The following RNF128 variants were observed in gnomAD, a reference collection of about 807,000 sequenced individuals.
The protein encoded by RNF128 is E3 ubiquitin-protein ligase RNF128.
A neutral mutation model predicts 26.2 loss-of-function variants in RNF128; 13 were observed. That is an observed-to-expected ratio of 0.50 (90% CI 0.32 to 0.79). The LOEUF (loss-of-function observed/expected upper bound fraction) is 0.79. RNF128 is among the 30% of genes least tolerant of loss of function. RNF128 has a pLI of 0.03. For missense variants in RNF128, 315 were observed against 349.7 expected (o/e 0.90, Z 0.79); for synonymous variants, 149 against 142.5 (o/e 1.05, Z -0.32).
In RNF128 at chrX:106,726,917, G is replaced by A. The variant is rs770442738; in HGVS notation, c.4G>A (p.Gly2Arg). ...GGAACTGCGGAGCGCGCGCGCCATG[G>A]GGCCGCCGCCTGGGGCCGGGGTCTC... M[G>R]PPPGAGVSCR... The change falls in exon 1 of 7, where the codon GGG becomes AGG. Residue 2 changes from glycine to arginine, a missense_variant. By Grantham distance (125) the Gly-to-Arg change is moderately radical. Coordinates refer to ENST00000255499, the MANE Select transcript of RNF128 (RefSeq NM_194463.2). The A allele has an allele frequency of 1.7e-6, 2 of 1,170,476 alleles. No homozygotes were observed. The highest frequency in any genetic ancestry group is 3.2e-5 in the East Asian group (1 of 31,714).
At chrX:106,790,351 TC>T in intron 5 of RNF128, 69 bp downstream of exon 5, 1 of 755,196 alleles carries the variant, frequency 1.3e-6, no homozygotes, top group Non-Finnish European at 2.0e-6. Flanking sequence ...CAAAATAACA[TC>T]CTTATTTTTT....
intron 2 of RNF128, among the ~76,000 whole-genome samples, chrX:106,776,656 T>C (rs768817443): frequency 8.9e-6 from 1 of 112,147 alleles, no homozygotes; most frequent in Admixed American, 9.5e-5. Flanking sequence ...CCTTCCATTT[T>C]TAGCTGTAGA....
At chrX:106,774,829 C>T (rs375809990) in intron 2 of RNF128, among the ~76,000 whole-genome samples, 3 of 111,548 alleles carry the variant, frequency 2.7e-5, no homozygotes, top group African/African-American at 9.8e-5. Context: ...TCTCTAAAGG[C>T]GATCGATTTC....
intron 1 of RNF128, among the ~76,000 whole-genome samples, chrX:106,715,155 C>CA (rs200502824): frequency 8.2e-5 from 9 of 109,281 alleles, no homozygotes; most frequent in East Asian, 2.9e-4. Context: ...ACATTCCCAC[C>CA]AAAAAAAAAT....
At position 106,785,067 on chromosome X, in the gene RNF128, G is replaced by A. The variant is rs766538262; in HGVS notation, c.735G>A (p.Arg245=). The A allele has an allele frequency of 1.0e-5, 12 of 1,163,808 alleles. No individual in the cohort carries two copies. Among genetic ancestry groups the A allele is most frequent in the Non-Finnish European group, 1.4e-5 (12 of 875,543 alleles). The change falls in exon 3 of 7, where the codon AGG becomes AGA. Residue 245 remains arginine, a splice_region_variant and synonymous_variant. Transcript: ENST00000255499. The stretch of plus-strand genomic sequence containing the variant: ...ACCTGCTGTTTTTTTTTTTACAGAG[G>A]CAATTAAAGGCAGATGCTAAAAAAG... ...RNARAQSRKQ[R]QLKADAKKAI... is the part of the protein sequence containing the mutation.
chrX:106,774,326 A>G (rs373258803), intron 2 of RNF128, among the ~76,000 whole-genome samples: 3 of 111,834 alleles, frequency 2.7e-5, no homozygotes, highest in African/African-American at 9.8e-5. Context: ...TTCTGTTTTT[A>G]TGGATGAACT....
At chrX:106,734,703 G>T (rs1030068326) in intron 1 of RNF128, among the ~76,000 whole-genome samples, 1 of 111,896 alleles carries the variant, frequency 8.9e-6, no homozygotes, top group Admixed American at 9.5e-5. Flanking sequence ...TGTGACCAGC[G>T]CCCTGCTCAA....
chrX:106,708,889 T>G (rs1929083566), intron 1 of RNF128, among the ~76,000 whole-genome samples: 1 of 112,050 alleles, frequency 8.9e-6, no homozygotes, highest in South Asian at 3.7e-4. Context: ...AATATAGAAA[T>G]CTGCTTCAAA....
chrX:106,743,753 G>T (rs1000179292), intron 1 of RNF128, among the ~76,000 whole-genome samples: 9 of 111,538 alleles, frequency 8.1e-5, no homozygotes, highest in African/African-American at 2.6e-4. Flanking sequence ...CCATTACTGG[G>T]TATATACCCA....
chrX:106,768,500 C>T (rs974699761), intron 1 of RNF128, among the ~76,000 whole-genome samples: 2 of 111,746 alleles, frequency 1.8e-5, no homozygotes, highest in Non-Finnish European at 3.8e-5. Context: ...AGTTTATTTG[C>T]GTAGAGGGGT....
At chrX:106,770,009 A>G (rs1930341461) in intron 1 of RNF128, among the ~76,000 whole-genome samples, 2 of 111,064 alleles carry the variant, frequency 1.8e-5, no homozygotes, top group African/African-American at 6.6e-5. Context: ...TCACTTTTGA[A>G]GCTTAGTTTG....
chrX:106,734,236 T>G (rs1018850276), intron 1 of RNF128, among the ~76,000 whole-genome samples: 2 of 110,469 alleles, frequency 1.8e-5, no homozygotes, highest in African/African-American at 6.6e-5. Flanking sequence ...GGGTTGTGAA[T>G]TGGGGCATTT....
intron 3 of RNF128, among the ~76,000 whole-genome samples, chrX:106,787,595 C>A (rs773416742): frequency 9.0e-6 from 1 of 111,034 alleles, no homozygotes; most frequent in South Asian, 3.8e-4. Context: ...TGAATTATAC[C>A]TTAATTTTTT....
At chrX:106,706,077 C>A (rs1929037974) in intron 1 of RNF128, among the ~76,000 whole-genome samples, 1 of 111,729 alleles carries the variant, frequency 9.0e-6, no homozygotes, top group African/African-American at 3.3e-5. Context: ...TAACCTGATG[C>A]ATTACCACAT....
At chrX:106,784,603 G>A (rs773820554) in intron 2 of RNF128, among the ~76,000 whole-genome samples, 5 of 111,581 alleles carry the variant, frequency 4.5e-5, no homozygotes, top group Non-Finnish European at 7.5e-5. Context: ...TAAATGACTC[G>A]TGCAGGGTTA....
chrX:106,793,018 C>G (rs1930854234), intron 6 of RNF128, among the ~76,000 whole-genome samples: 1 of 111,523 alleles, frequency 9.0e-6, no homozygotes, highest in South Asian at 3.7e-4. Context: ...TAGTTCATGT[C>G]GTGTGTCACA....
At chrX:106,711,343 C>T (rs1011367850) in intron 1 of RNF128, among the ~76,000 whole-genome samples, 1 of 112,137 alleles carries the variant, frequency 8.9e-6, no homozygotes, top group Non-Finnish European at 1.9e-5. Context: ...AATCACCAGA[C>T]AGTAAGATCA....
intron 1 of RNF128, among the ~76,000 whole-genome samples, chrX:106,771,810 T>C (rs1930377048): frequency 8.9e-6 from 1 of 112,622 alleles, no homozygotes. Context: ...TCACCCGTCT[T>C]CTGCATCACT....
intron 1 of RNF128, among the ~76,000 whole-genome samples, chrX:106,738,262 A>C (rs1929634073): frequency 9.0e-6 from 1 of 111,342 alleles, no homozygotes; most frequent in Admixed American, 9.6e-5. Context: ...AAAGGGGGAT[A>C]ATAATACCTA....
Sources: gnomAD v4.1 joint callset for allele counts (sites outside exome capture counted in the v4.1 genomes callset) on GRCh38, gnomAD v4.1.1 for gene constraint, MANE v1.5 for transcripts, NCBI Gene and HGNC (gene_info 2026-07-23, HGNC 2026-07-21) for gene names.